Variants in PRR16 observed in about 807,000 individuals in gnomAD.
PRR16 encodes proline rich 16.
A neutral mutation model predicts 18.2 loss-of-function variants in PRR16; 6 were observed. That is an observed-to-expected ratio of 0.33 (90% CI 0.18 to 0.65). The LOEUF is 0.65. PRR16 is among the 30% of genes least tolerant of loss of function. The probability of loss-of-function intolerance (pLI) is 0.74; values close to 1 mark genes in which losing one functional copy is unlikely to be tolerated. For synonymous variants in PRR16, 151 were observed against 147.8 expected, an observed-to-expected ratio of 1.02 and a Z score of -0.16; for missense variants, 412 against 376.6, an observed-to-expected ratio of 1.09 and a Z score of -0.78.
At chr5:120,595,694 A>C (rs1474807038) in intron 1 of PRR16, among the ~76,000 whole-genome samples, 4 of 151,964 alleles carry the variant, frequency 2.6e-5, no homozygotes, top group Non-Finnish European at 4.4e-5. Flanking sequence ...AAAGTTAAAA[A>C]AATTCAATGA....
chr5:120,750,402 TA>T, the PRR16 span, among the ~76,000 whole-genome samples: 24 of 152,182 alleles, frequency 1.6e-4, no homozygotes, highest in African/African-American at 5.3e-4. Flanking sequence ...CTCACACCTG[TA>T]ATCCCAGCAC....
chr5:120,792,949 T>C, the PRR16 span, among the ~76,000 whole-genome samples: 3 of 149,174 alleles, frequency 2.0e-5, no homozygotes, highest in South Asian at 6.3e-4. Context: ...GCTTAGGAGT[T>C]CGAGACCAAC....
At chr5:120,523,050 G>A (rs960830279) in intron 1 of PRR16, among the ~76,000 whole-genome samples, 2 of 151,956 alleles carry the variant, frequency 1.3e-5, no homozygotes, top group Non-Finnish European at 2.9e-5. Context: ...GACTTAATTT[G>A]GAATCATAGA....
intron 1 of PRR16, among the ~76,000 whole-genome samples, chr5:120,507,131 A>T (rs1333211747): frequency 6.6e-6 from 1 of 152,130 alleles, no homozygotes; most frequent in Non-Finnish European, 1.5e-5. Context: ...ATTTTTGAGA[A>T]TATATCTAGA....
the PRR16 span, among the ~76,000 whole-genome samples, chr5:120,702,368 C>A: frequency 6.6e-6 from 1 of 151,634 alleles, no homozygotes; most frequent in East Asian, 1.9e-4. Context: ...GGTACTTGCC[C>A]CTCCTGTAGA....
chr5:120,766,738 TA>T, the PRR16 span, among the ~76,000 whole-genome samples: 1 of 151,978 alleles, frequency 6.6e-6, no homozygotes, highest in Non-Finnish European at 1.5e-5. Flanking sequence ...TAGATGATTA[TA>T]AACATTTGAT....
chr5:120,578,289 C>T (rs1753146341), intron 1 of PRR16, among the ~76,000 whole-genome samples: 1 of 151,904 alleles, frequency 6.6e-6, no homozygotes, highest in Non-Finnish European at 1.5e-5. Flanking sequence ...TTTATTTCTT[C>T]TAAAAAAATG....
At chr5:120,611,549 G>GTAAAGCT (rs1003443473) in intron 1 of PRR16, among the ~76,000 whole-genome samples, 2 of 152,196 alleles carry the variant, frequency 1.3e-5, no homozygotes, top group African/African-American at 4.8e-5. Flanking sequence ...AGGGGCCAAT[G>GTAAAGCT]TAAAGCTCAA....
At chr5:120,588,722 T>A (rs1753533778) in intron 1 of PRR16, among the ~76,000 whole-genome samples, 1 of 152,168 alleles carries the variant, frequency 6.6e-6, no homozygotes, top group Non-Finnish European at 1.5e-5. Context: ...ATTTGTAAAT[T>A]ATATGCCTTG....
intron 1 of PRR16, among the ~76,000 whole-genome samples, chr5:120,518,615 C>A (rs1751074016): frequency 6.6e-6 from 1 of 151,666 alleles, no homozygotes; most frequent in Non-Finnish European, 1.5e-5. Context: ...ATTTAGCCCA[C>A]CTTGTGTAGT....
chr5:120,530,254 AATAT>A (rs3047950), intron 1 of PRR16, among the ~76,000 whole-genome samples: 3,657 of 106,618 alleles, frequency 0.034, 92 homozygotes, highest in East Asian at 0.043. Flanking sequence ...AGTGTGTGTA[AATAT>A]ATATATATAT....
At chr5:120,509,909 G>A (rs977896580) in intron 1 of PRR16, among the ~76,000 whole-genome samples, 3 of 151,880 alleles carry the variant, frequency 2.0e-5, no homozygotes, top group African/African-American at 4.8e-5. Context: ...TTTCTGCGAC[G>A]TGATCCCAAT....
chr5:120,727,786 T>G, the PRR16 span, among the ~76,000 whole-genome samples: 1 of 152,048 alleles, frequency 6.6e-6, no homozygotes, highest in Non-Finnish European at 1.5e-5. Flanking sequence ...TGTAACATAT[T>G]CATGTTAAAA....
intron 1 of PRR16, among the ~76,000 whole-genome samples, chr5:120,531,246 A>T (rs1035995221): frequency 6.6e-6 from 1 of 152,210 alleles, no homozygotes; most frequent in Middle Eastern, 3.4e-3. Flanking sequence ...ATGGCAAATG[A>T]TAGGTTGCCA....
the PRR16 span, among the ~76,000 whole-genome samples, chr5:120,792,905 A>ACTT: frequency 6.6e-6 from 1 of 150,492 alleles, no homozygotes; most frequent in African/African-American, 2.4e-5. Flanking sequence ...TTAATCCAGA[A>ACTT]CTTCGAGAGG....
At chr5:120,791,757 C>T in the PRR16 span, among the ~76,000 whole-genome samples, 1 of 151,914 alleles carries the variant, frequency 6.6e-6, no homozygotes, top group South Asian at 2.1e-4. Flanking sequence ...AAACAAATTG[C>T]TTATAACAAT....
At chr5:120,481,155 T>A (rs150890596) in intron 1 of PRR16, 1 of 63,340 alleles carries the variant, frequency 1.6e-5, no homozygotes. Context: ...TCTTATTTTA[T>A]TTTTTTTTTG....
intron 1 of PRR16, among the ~76,000 whole-genome samples, chr5:120,670,071 A>T (rs1756545726): frequency 6.6e-6 from 1 of 152,150 alleles, no homozygotes; most frequent in Non-Finnish European, 1.5e-5. Flanking sequence ...GATGTAGGCA[A>T]ATTTTATATT....
chr5:120,649,077 A>G (rs1462502633), intron 1 of PRR16, among the ~76,000 whole-genome samples: 1 of 152,178 alleles, frequency 6.6e-6, no homozygotes, highest in Non-Finnish European at 1.5e-5. Context: ...CAAATTCCAG[A>G]AATTTTAAGA....
Sources: gnomAD v4.1 joint callset for allele counts (sites outside exome capture counted in the v4.1 genomes callset) on GRCh38, gnomAD v4.1.1 for gene constraint, MANE v1.5 for transcripts, NCBI Gene and HGNC (gene_info 2026-07-23, HGNC 2026-07-21) for gene names.